RIPK2: variants seen among roughly 807,000 people sequenced by gnomAD.
RIPK2 encodes receptor-interacting serine/threonine-protein kinase 2.
Under a neutral mutation model 60.9 loss-of-function variants are expected in RIPK2, and 38 were observed. That is an observed-to-expected ratio of 0.62 (90% confidence interval 0.48 to 0.82). RIPK2 has a LOEUF of 0.82. Ranked by LOEUF, RIPK2 falls within the 40% of genes least tolerant of loss-of-function variation. RIPK2 has a pLI of 0.00. For synonymous variants in RIPK2, 225 were observed against 223.4 expected (o/e 1.01, Z -0.06); for missense variants, 518 against 647.0 (o/e 0.80, Z 2.16).
At chr8:89,778,040 A>C (rs572948503) in intron 6 of RIPK2, among the ~76,000 whole-genome samples, 2 of 152,310 alleles carry the variant, frequency 1.3e-5, no homozygotes, top group South Asian at 4.1e-4. Context: ...TACTGAAAAG[A>C]AATGAAAAGT....
chr8:89,763,976 T>C (rs1443069602), intron 2 of RIPK2, among the ~76,000 whole-genome samples: 1 of 152,104 alleles, frequency 6.6e-6, no homozygotes, highest in African/African-American at 2.4e-5. Context: ...GCAGATACTC[T>C]GGCACCCAAA....
At chr8:89,764,541 A>G (rs1361336548) in intron 2 of RIPK2, among the ~76,000 whole-genome samples, 1 of 152,246 alleles carries the variant, frequency 6.6e-6, no homozygotes, top group Non-Finnish European at 1.5e-5. Context: ...GATCTTCCCA[A>G]ATTGCCTGAT....
intron 1 of RIPK2, chr8:89,759,365 C>A (rs1376736192): frequency 3.1e-5 from 14 of 456,172 alleles, no homozygotes; most frequent in Non-Finnish European, 5.7e-5. Context: ...GAGTTAACAT[C>A]CATGATTACA....
Position 89,790,787 on chromosome 8 carries a change from T to C in RIPK2, c.*371T>C, listed in dbSNP as rs914858536. Reference sequence around the variant, plus strand: ...ATGCAATTTGATTTTATGAAGTATATACCCTTTACCCACCAGAGACAGTAC... The same window carrying C: ...ATGCAATTTGATTTTATGAAGTATACACCCTTTACCCACCAGAGACAGTAC... On this transcript the variant is annotated 3_prime_UTR_variant, in exon 11 of 11. Coordinates refer to ENST00000220751, the MANE Select transcript of RIPK2 (RefSeq NM_003821.6). The C allele has an allele frequency of 5.9e-6, 1 of 170,054 alleles. No individual in the cohort carries two copies. The highest frequency in any genetic ancestry group is 1.3e-5 in the Non-Finnish European group (1 of 78,754). 10.5% of individuals were successfully genotyped at this position (170,054 alleles called of 1,614,324 possible).
chr8:89,790,118 G>C lies in RIPK2; in HGVS notation c.1325G>C (p.Ser442Thr). ...GGTATAGCCCAGCAGTGGATCCAGA[G>C]CAAAAGGGAAGACATTGTGAACCAA... ...QPGIAQQWIQ[S>T]KREDIVNQMT... Residue 442 changes from serine (S) to threonine (T), a missense_variant, in exon 11 of 11, where the codon AGC becomes ACC. Around this residue, in one of 3 missense-constraint regions of RIPK2, gnomAD observed 448 missense variants for 534.7 expected, o/e 0.84. Transcript: ENST00000220751. The C allele has an allele frequency of 6.2e-7, 1 of 1,614,074 alleles. No individual in the cohort carries two copies. The highest frequency in any genetic ancestry group is 8.5e-7 in the Non-Finnish European group (1 of 1,179,992).
At chr8:89,758,297 CA>C in intron 1 of RIPK2, 64 bp downstream of exon 1, 1 of 1,463,626 alleles carries the variant, frequency 6.8e-7, no homozygotes, top group Non-Finnish European at 9.1e-7. Flanking sequence ...AGCCCCCTGA[CA>C]AGCGGGCTCT....
intron 6 of RIPK2, among the ~76,000 whole-genome samples, chr8:89,779,400 C>T (rs1809460227): frequency 7.4e-6 from 1 of 134,410 alleles, no homozygotes; most frequent in African/African-American, 2.7e-5. Flanking sequence ...CTGCAAGCTT[C>T]ACCTCCTGGG....
rs200910287 is a variant in RIPK2, at chr8:89,771,733, T to C, written c.642-8T>C. ...AATATGTAACATGTATGTTCTTATGTTAAACAGCTATGCAGTTATCACATG... is the reference window on the plus strand; with the variant it reads ...AATATGTAACATGTATGTTCTTATGCTAAACAGCTATGCAGTTATCACATG... On this transcript the variant is annotated splice_region_variant and splice_polypyrimidine_tract_variant and intron_variant, in intron 4 of 10. Transcript: ENST00000220751. The C allele has an allele frequency of 7.0e-5, 112 of 1,589,030 alleles. No individual in the cohort carries two copies. Among genetic ancestry groups the C allele is most frequent in the Non-Finnish European group, 8.9e-5 (104 of 1,162,012 alleles).
chr8:89,783,429 C>G (rs1472701053), intron 7 of RIPK2, among the ~76,000 whole-genome samples: 1 of 152,046 alleles, frequency 6.6e-6, no homozygotes, highest in African/African-American at 2.4e-5. Context: ...CACAGTAATC[C>G]TTCAAAATAG....
intron 3 of RIPK2, among the ~76,000 whole-genome samples, chr8:89,767,121 AGTTTT>A (rs1457426059): frequency 6.6e-6 from 1 of 151,680 alleles, no homozygotes; most frequent in East Asian, 1.9e-4. Context: ...TAAGTTTTAT[AGTTTT>A]ATGTTACATA....
At chr8:89,774,708 T>C (rs1809369501) in intron 6 of RIPK2, among the ~76,000 whole-genome samples, 1 of 152,112 alleles carries the variant, frequency 6.6e-6, no homozygotes, top group African/African-American at 2.4e-5. Flanking sequence ...TAATATAAAA[T>C]TGAACATCAC....
intron 6 of RIPK2, among the ~76,000 whole-genome samples, chr8:89,776,994 A>AT (rs1809407276): frequency 6.6e-6 from 1 of 152,218 alleles, no homozygotes; most frequent in South Asian, 2.1e-4. Flanking sequence ...GAGTTTCTAG[A>AT]TGCAGCATGG....
Position 89,785,171 on chromosome 8 carries a change from C to T in RIPK2, c.1029+1032C>T, listed in dbSNP as rs149436236. 1.8e-3 allele frequency among the ~76,000 whole-genome samples: 279 copies of T among 152,218 alleles called. 3 individuals carry two copies. The highest frequency in any genetic ancestry group is 6.4e-3 in the African/African-American group (264 of 41,522). On this transcript the variant is annotated intron_variant, in intron 8 of 10. Transcript: ENST00000220751. Reference sequence around the variant, plus strand: ...CAACATCTGACCTCATATGATAGGTCGCAGTCAAAACATTGTTTCATGGGT... The same window carrying T: ...CAACATCTGACCTCATATGATAGGTTGCAGTCAAAACATTGTTTCATGGGT...
chr8:89,786,562 A>G (rs961265424), intron 8 of RIPK2, 31 bp from the exon 9 acceptor site: 2 of 1,167,946 alleles, frequency 1.7e-6, no homozygotes, highest in African/African-American at 1.6e-5. Flanking sequence ...ATTTTTATTA[A>G]CCTAAACCCT....
chr8:89,782,491 A>G (rs975648189), intron 7 of RIPK2, among the ~76,000 whole-genome samples: 3 of 152,122 alleles, frequency 2.0e-5, no homozygotes, highest in Admixed American at 6.6e-5. Flanking sequence ...TAGAACACGA[A>G]TTAAATAAGA....
At chr8:89,778,789 T>G (rs769213491) in intron 6 of RIPK2, among the ~76,000 whole-genome samples, 60 of 152,232 alleles carry the variant, frequency 3.9e-4, no homozygotes, top group Admixed American at 2.9e-3. Flanking sequence ...CATACAAGTC[T>G]GTGAACATAT....
At chr8:89,769,700 T>C in intron 3 of RIPK2, 72 bp from the exon 4 acceptor site, 2 of 1,029,582 alleles carry the variant, frequency 1.9e-6, no homozygotes, top group Non-Finnish European at 2.8e-6. Flanking sequence ...ACAGTGAATA[T>C]ACAAAAAGAT....
At position 89,769,932 on chromosome 8, in the gene RIPK2, A is replaced by G; in HGVS notation, c.641+3A>G. ...AGTATCAAGCACGATATATATAGGT[A>G]GAGTAAAGTTGCTTCTGCTCAGATT... On this transcript the variant is annotated splice_donor_region_variant and intron_variant, in intron 4 of 10. Transcript: ENST00000220751. 6.4e-7 allele frequency: 1 copy of G among 1,573,598 alleles called. No individual in the cohort carries two copies. Among genetic ancestry groups the G allele is most frequent in the Non-Finnish European group, 8.6e-7 (1 of 1,164,696 alleles).
intron 5 of RIPK2, among the ~76,000 whole-genome samples, chr8:89,772,441 A>G (rs1178784571): frequency 6.6e-6 from 1 of 152,050 alleles, no homozygotes; most frequent in Non-Finnish European, 1.5e-5. Flanking sequence ...ATCCAATCAC[A>G]TGGTCAAGCC....
Sources: gnomAD v4.1 joint callset for allele counts (sites outside exome capture counted in the v4.1 genomes callset) on GRCh38, gnomAD v4.1.1 for gene constraint, gnomAD v4.1.1 regional missense constraint, MANE v1.5 for transcripts, NCBI Gene and HGNC (gene_info 2026-07-23, HGNC 2026-07-21) for gene names.